The following ZNF236 variants were observed in gnomAD, a reference collection of about 807,000 sequenced individuals.
The protein encoded by ZNF236 is regulated by glucose.
ZNF236 carries 50 observed loss-of-function variants against 191.2 expected under a neutral mutation model. The ratio of observed to expected loss-of-function variants is 0.26; its 90% confidence interval spans 0.21 to 0.33. ZNF236 has a LOEUF of 0.33. Among genes scored for constraint, ZNF236 ranks in the 10% least tolerant of loss-of-function variants. The pLI, the probability that ZNF236 is intolerant of heterozygous loss-of-function variation, is 1.00. For missense variants in ZNF236, 1,754 were observed against 2,374.5 expected (o/e 0.74, Z 5.43); for synonymous variants, 907 against 928.8 (o/e 0.98, Z 0.43).
At chr18:76,866,902 G>T (rs777345196) in intron 3 of ZNF236, among the ~76,000 whole-genome samples, 1 of 152,194 alleles carries the variant, frequency 6.6e-6, no homozygotes, top group African/African-American at 2.4e-5. Flanking sequence ...CCGTCTGTAA[G>T]CTGGCAGGTC....
Position 76,915,782 on chromosome 18 carries a change from T to C in ZNF236, c.3197T>C (p.Val1066Ala), listed in dbSNP as rs1967344199. 1.2e-6 allele frequency: 2 copies of C among 1,614,090 alleles called. No individual in the cohort carries two copies. Among genetic ancestry groups the C allele is most frequent in the African/African-American group, 1.3e-5 (1 of 74,930 alleles). Residue 1066 changes from valine (V) to alanine (A), a missense_variant, in exon 19 of 31, where the codon GTG (valine) becomes GCG (alanine). Transcript: ENST00000320610. ...TGTGAGGAGGGTTTCCGAACTACAG[T>C]GCATTGTAAAAAGCACATGAAGAGA... is the stretch of plus-strand genomic sequence containing the variant. ...PFCEEGFRTT[V>A]HCKKHMKRHQ...
rs759625319 is a variant in ZNF236 at position 76,968,274 on chromosome 18, C to T, written c.5479C>T (p.Leu1827Phe). ...EQDGEELSRT[L>F]HLEEVVQEAA... ...GGACGGGGAGGAGCTGAGCCGGACC[C>T]TCCACCTGGAGGAGGTGGTGCAGGA... Residue 1827 changes from leucine (L) to phenylalanine (F), a missense_variant, in exon 31 of 31, where the codon CTC (leucine) becomes TTC (phenylalanine). Coordinates refer to ENST00000320610, the MANE Select transcript of ZNF236 (RefSeq NM_001306089.2). 1.2e-6 allele frequency: 2 copies of T among 1,611,568 alleles called. No homozygotes were observed. The highest frequency in any genetic ancestry group is 1.7e-5 in the Admixed American group (1 of 59,222).
chr18:76,836,022 C>G (rs1200336375), intron 1 of ZNF236, among the ~76,000 whole-genome samples: 2 of 152,182 alleles, frequency 1.3e-5, no homozygotes, highest in Non-Finnish European at 2.9e-5. Context: ...ATTCTCCTGC[C>G]TCAGCCTCCC....
intron 28 of ZNF236, 128 bp downstream of exon 28, chr18:76,956,310 G>T (rs535141403): frequency 3.8e-6 from 4 of 1,050,634 alleles, no homozygotes; most frequent in East Asian, 5.2e-5. Context: ...TGAGGAAAAG[G>T]TCACTAGATG....
intron 10 of ZNF236, among the ~76,000 whole-genome samples, chr18:76,897,215 G>A (rs906042386): frequency 6.6e-6 from 1 of 151,402 alleles, no homozygotes; most frequent in Non-Finnish European, 1.5e-5. Context: ...ACCAAACATA[G>A]TACTGCACAC....
intron 3 of ZNF236, among the ~76,000 whole-genome samples, chr18:76,861,268 G>A (rs1976213191): frequency 6.6e-6 from 1 of 152,170 alleles, no homozygotes; most frequent in Admixed American, 6.5e-5. Flanking sequence ...CGTGCCCTCA[G>A]GTTTGTCCAA....
rs373658758 is a variant in ZNF236 at position 76,908,503 on chromosome 18, G to A, written c.2481G>A (p.Gln827=). The A allele has an allele frequency of 5.6e-6, 9 of 1,614,030 alleles. No individual in the cohort carries two copies. The highest frequency in any genetic ancestry group is 7.6e-6 in the Non-Finnish European group (9 of 1,180,036). Reference sequence around the variant, plus strand: ...AGGCCATGCTGGACCTGGAGCCTCAGCATGTGGTGGGCACGGAGGAAGCAG... The same window carrying A: ...AGGCCATGCTGGACCTGGAGCCTCAACATGTGGTGGGCACGGAGGAAGCAG... ...NPEAMLDLEP[Q]HVVGTEEAGL... Residue 827 remains glutamine (Q), a synonymous_variant, in exon 14 of 31, where the codon CAG becomes CAA. Transcript: ENST00000320610.
At chr18:76,871,081 A>T (rs894872990) in intron 4 of ZNF236, among the ~76,000 whole-genome samples, 11 of 152,192 alleles carry the variant, frequency 7.2e-5, no homozygotes, top group Non-Finnish European at 1.3e-4. Flanking sequence ...GGTGTTTCAG[A>T]GTAAGACCAG....
intron 19 of ZNF236, among the ~76,000 whole-genome samples, chr18:76,918,082 TGCAATTTA>T (rs1352021714): frequency 6.6e-6 from 1 of 152,224 alleles, no homozygotes; most frequent in Non-Finnish European, 1.5e-5. Context: ...CTGTCCACTT[TGCAATTTA>T]GTGTTTCTGT....
intron 1 of ZNF236, among the ~76,000 whole-genome samples, chr18:76,848,505 T>C (rs2122500333): frequency 6.6e-6 from 1 of 152,326 alleles, no homozygotes; most frequent in East Asian, 1.9e-4. Flanking sequence ...TATTCTGTGA[T>C]ATGTTATTTG....
In ZNF236 at chr18:76,881,465, A is replaced by G; in HGVS notation, c.1370A>G (p.Asp457Gly). ...EKEQESPEKL[D>G]KKEKKMIKKK... is the part of the protein sequence containing the mutation. ...GAACAGGAAAGCCCGGAGAAACTGG[A>G]TAAAAAAGAAAAAAAAATGATAAAG... is the stretch of plus-strand genomic sequence containing the variant. Residue 457 changes from aspartate to glycine, a missense_variant, in exon 9 of 31, where the codon GAT becomes GGT. Transcript: ENST00000320610. 1 of 1,613,326 alleles carries G rather than the reference A, an allele frequency of 6.2e-7. No individual in the cohort carries two copies. Among genetic ancestry groups the G allele is most frequent in the Non-Finnish European group, 8.5e-7 (1 of 1,179,884 alleles).
At chr18:76,826,731 T>C (rs1292576439) in intron 1 of ZNF236, among the ~76,000 whole-genome samples, 3 of 144,560 alleles carry the variant, frequency 2.1e-5, no homozygotes, top group African/African-American at 5.1e-5. Flanking sequence ...GCCCAGGAGG[T>C]AGAGGTTGCA....
At chr18:76,949,248 T>A (rs541884765) in intron 27 of ZNF236, among the ~76,000 whole-genome samples, 2 of 152,344 alleles carry the variant, frequency 1.3e-5, no homozygotes, top group Admixed American at 1.3e-4. Context: ...TACTTTGCTA[T>A]TTTTTAACAT....
intron 1 of ZNF236, among the ~76,000 whole-genome samples, chr18:76,823,682 C>T: frequency 6.6e-6 from 1 of 152,268 alleles, no homozygotes; most frequent in East Asian, 1.9e-4. Flanking sequence ...CACAACCGGG[C>T]ACCCCCAGAC....
rs2122843979 is a variant in ZNF236 at position 76,927,836 on chromosome 18, T to G, written c.4415-91T>G. 1 of 972,322 alleles carries G rather than the reference T, an allele frequency of 1.0e-6. No individual in the cohort carries two copies. Among genetic ancestry groups the G allele is most frequent in the Non-Finnish European group, 1.5e-6 (1 of 683,206 alleles). 60.2% of individuals were successfully genotyped at this position (972,322 alleles called of 1,614,324 possible). ...ATCTTTGTCTTATTGAAATATGTAATAACAGTTTAATTAAAATATTTTTAA... is the reference window on the plus strand; with the variant it reads ...ATCTTTGTCTTATTGAAATATGTAAGAACAGTTTAATTAAAATATTTTTAA... On this transcript the variant is annotated intron_variant, in intron 24 of 30. Coordinates refer to ENST00000320610, the MANE Select transcript of ZNF236 (RefSeq NM_001306089.2). This position sits in a 1 kb window ranked among gnomAD's most constrained non-coding sequence, Gnocchi z 5.4.
intron 3 of ZNF236, among the ~76,000 whole-genome samples, chr18:76,865,495 T>C (rs949397055): frequency 2.0e-5 from 3 of 152,232 alleles, no homozygotes; most frequent in Non-Finnish European, 2.9e-5. Flanking sequence ...CTTTTTAAAC[T>C]ATTCACCACT....
chr18:76,866,907 C>A (rs1327436825), intron 3 of ZNF236, among the ~76,000 whole-genome samples: 1 of 152,160 alleles, frequency 6.6e-6, no homozygotes, highest in Non-Finnish European at 1.5e-5. Flanking sequence ...TGTAAGCTGG[C>A]AGGTCTTGGC....
intron 5 of ZNF236, 32 bp downstream of exon 5, chr18:76,871,857 C>T (rs890038345): frequency 2.6e-5 from 42 of 1,612,366 alleles, no homozygotes; most frequent in African/African-American, 4.0e-5. Flanking sequence ...GATGACTGAC[C>T]GTGTGGCTGG....
Position 76,972,403 on chromosome 18 carries a change from G to A in ZNF236, c.*4064G>A, listed in dbSNP as rs1968919515. On this transcript the variant is annotated 3_prime_UTR_variant, in exon 31 of 31. Coordinates refer to ENST00000320610, the MANE Select transcript of ZNF236 (RefSeq NM_001306089.2). ...TCCCCTCCTCAGACCCCCATGCACG[G>A]ATGAGCACATAGCTCACCCTCACCC... 6.6e-6 allele frequency among the ~76,000 whole-genome samples: 1 copy of A among 152,012 alleles called. No homozygotes were observed. Among genetic ancestry groups the A allele is most frequent in the South Asian group, 2.1e-4 (1 of 4,822 alleles).
Sources: allele counts gnomAD v4.1 joint callset (sites outside exome capture counted in the v4.1 genomes callset), GRCh38; gene constraint gnomAD v4.1.1; non-coding constraint Gnocchi (gnomAD v3.1); transcripts MANE v1.5; gene names NCBI Gene and HGNC (gene_info 2026-07-23, HGNC 2026-07-21).